The following ZNF528 variants were observed in gnomAD, a reference collection of about 807,000 sequenced individuals.
The protein encoded by ZNF528 is zinc finger protein 528.
In ZNF528, 9 loss-of-function variants were observed where a neutral mutation model predicts 13.3. The ratio of observed to expected loss-of-function variants is 0.67; its 90% CI spans 0.41 to 1.18. ZNF528 has a LOEUF of 1.18. Among genes scored for constraint, ZNF528 ranks in the 50% most tolerant of loss-of-function variants. ZNF528 has a pLI of 0.01. For synonymous variants in ZNF528, 264 were observed against 254.3 expected, an observed-to-expected ratio of 1.04 and a Z score of -0.36; for missense variants, 858 against 745.4, an observed-to-expected ratio of 1.15 and a Z score of -1.76.
intron 6 of ZNF528, chr19:52,413,343 A>G (rs1373915378): frequency 6.6e-6 from 1 of 152,252 alleles, no homozygotes; most frequent in African/African-American, 2.4e-5. Context: ...CGTGTCAGAT[A>G]CGCAGTAGCA....
intron 6 of ZNF528, chr19:52,414,209 C>T: frequency 1.4e-6 from 1 of 702,486 alleles, no homozygotes. Context: ...TTCAGTTCCT[C>T]TACTCCAGCA....
At chr19:52,398,712 T>C in intron 2 of ZNF528, 93 bp downstream of exon 2, 1 of 696,464 alleles carries the variant, frequency 1.4e-6, no homozygotes, top group Non-Finnish European at 1.8e-6. Context: ...CAAACCTGGG[T>C]CTGTAGAAAG....
intron 2 of ZNF528, among the ~76,000 whole-genome samples, chr19:52,400,582 C>T (rs1424617665): frequency 6.6e-6 from 1 of 152,130 alleles, no homozygotes; most frequent in African/African-American, 2.4e-5. Context: ...CATGCAGTGG[C>T]ACAGTCATAG....
intron 6 of ZNF528, chr19:52,414,806 A>T: frequency 1.7e-6 from 1 of 575,636 alleles, no homozygotes; most frequent in Non-Finnish European, 2.9e-6. Flanking sequence ...TAATGTCTAT[A>T]CAGCTCTTCT....
intron 2 of ZNF528, among the ~76,000 whole-genome samples, chr19:52,399,082 A>G (rs756792068): frequency 2.0e-5 from 3 of 152,106 alleles, no homozygotes; most frequent in Non-Finnish European, 4.4e-5. Flanking sequence ...GAGAGAAGGA[A>G]TAGAGGGAAG....
intron 4 of ZNF528, chr19:52,402,376 A>G (rs181270368): frequency 5.7e-6 from 2 of 348,370 alleles, no homozygotes; most frequent in Non-Finnish European, 1.0e-5. Context: ...GAATTAGAGA[A>G]GCTGCACGTC....
At position 52,415,240 on chromosome 19, in the gene ZNF528, T is replaced by C. The variant is rs1242499356; in HGVS notation, c.388T>C (p.Ser130Pro). Reference sequence around the variant, plus strand: ...GCTATTTCAAGCTGAAAGGAAAATTTCTGGGTGTAAGCATTTTGAAAAACC... The same window carrying C: ...GCTATTTCAAGCTGAAAGGAAAATTCCTGGGTGTAAGCATTTTGAAAAACC... ...LQLFQAERKISGCKHFEKPVS... is the reference protein window; with the variant it reads ...LQLFQAERKIPGCKHFEKPVS... The change falls in exon 7 of 7, where the codon TCT becomes CCT. Residue 130 changes from serine (S) to proline (P), a missense_variant. By Grantham distance (74) the Ser-to-Pro change is moderately conservative (BLOSUM62 -1). Coordinates refer to ENST00000360465, the MANE Select transcript of ZNF528 (RefSeq NM_032423.3). 6.2e-7 allele frequency: 1 copy of C among 1,614,126 alleles called. No individual in the cohort carries two copies. Among genetic ancestry groups the C allele is most frequent in the Middle Eastern group, 1.6e-4 (1 of 6,062 alleles).
chr19:52,398,957 G>A (rs111327293), intron 2 of ZNF528, among the ~76,000 whole-genome samples: 2,820 of 152,252 alleles, frequency 0.019, 41 homozygotes, highest in Non-Finnish European at 0.03. Context: ...CCCAAGGGGA[G>A]CTGAGATGTG....
intron 6 of ZNF528, chr19:52,413,621 C>T (rs1157364334): frequency 6.6e-6 from 1 of 152,402 alleles, no homozygotes; most frequent in African/African-American, 2.4e-5. Flanking sequence ...GTACTGGGGT[C>T]TCTATTTCTG....
Position 52,415,991 on chromosome 19 carries a change from C to T in ZNF528, c.1139C>T (p.Pro380Leu), listed in dbSNP as rs2058997656. The change falls in exon 7 of 7, where the codon CCT becomes CTT. Residue 380 changes from proline to leucine, a missense_variant. Physicochemically the swap from Pro to Leu is moderately conservative, Grantham distance 98 (BLOSUM62 -3). Coordinates refer to ENST00000360465, the MANE Select transcript of ZNF528 (RefSeq NM_032423.3). ...CAGTTAATTCACACTGGAAGGAAACCTTACAAATGTAAAGAATGTGACAAG... is the reference window on the plus strand; with the variant it reads ...CAGTTAATTCACACTGGAAGGAAACTTTACAAATGTAAAGAATGTGACAAG... ...THQLIHTGRK[P>L]YKCKECDKVF... The T allele has an allele frequency of 6.2e-7, 1 of 1,614,110 alleles. No homozygotes were observed. The highest frequency in any genetic ancestry group is 1.3e-5 in the African/African-American group (1 of 75,020).
rs2245620 is a variant in ZNF528, at chr19:52,406,205, T to G, written c.142+172T>G. Among the ~76,000 whole-genome samples, 100,929 of 152,002 alleles carry G rather than the reference T, an allele frequency of 0.66. 34,981 individuals carry two copies. Among genetic ancestry groups the G allele is most frequent in the Non-Finnish European group, 0.79 (53,505 of 67,968 alleles). On this transcript the variant is annotated intron_variant, in intron 5 of 6. Coordinates refer to ENST00000360465, the MANE Select transcript of ZNF528 (RefSeq NM_032423.3). ...GACTTGAAATGTCCCCTTTCTTCAG[T>G]TATTCTCCTCCCTCCACAATTCATG... is the stretch of plus-strand genomic sequence containing the variant.
chr19:52,403,305 G>T (rs1226884235), intron 4 of ZNF528, among the ~76,000 whole-genome samples: 7 of 152,102 alleles, frequency 4.6e-5, no homozygotes, highest in African/African-American at 1.7e-4. Context: ...CATCCAGTTT[G>T]GACAATGTAT....
Position 52,416,392 on chromosome 19 carries a change from AT to A in ZNF528, c.1542del (p.His515IlefsTer27). On this transcript the variant is annotated frameshift_variant, in exon 7 of 7. Coordinates refer to ENST00000360465, the MANE Select transcript of ZNF528 (RefSeq NM_032423.3). LOFTEE classifies it low-confidence loss of function (END_TRUNC). Reference sequence around the variant, plus strand: ...TTCAAACCTGGTATGCCATCAGAAAATTCATACAGGAGAAAAGCCTTACAAA... The same window carrying A: ...TTCAAACCTGGTATGCCATCAGAAAATCATACAGGAGAAAAGCCTTACAAA... ...RSSNLVCHQKIHTGEKPYKCN... is the reference protein window; with the variant it reads ...RSSNLVCHQKXHTGEKPYKCN... 6.2e-7 allele frequency: 1 copy of A among 1,614,002 alleles called. No individual in the cohort carries two copies. Among genetic ancestry groups the A allele is most frequent in the Non-Finnish European group, 8.5e-7 (1 of 1,179,890 alleles).
chr19:52,401,820 C>T (rs563188970), intron 3 of ZNF528, 67 bp downstream of exon 3: 5 of 1,522,214 alleles, frequency 3.3e-6, no homozygotes, highest in Non-Finnish European at 4.4e-6. Flanking sequence ...TAGGATAAAT[C>T]AGACCTATGT....
intron 4 of ZNF528, among the ~76,000 whole-genome samples, chr19:52,405,630 C>T (rs1455743409): frequency 1.3e-5 from 2 of 151,830 alleles, no homozygotes; most frequent in South Asian, 4.2e-4. Context: ...TGTAAAAATA[C>T]CTAACACTTC....
At position 52,409,935 on chromosome 19, in the gene ZNF528, G is replaced by A. The variant is rs1399014555; in HGVS notation, c.271+3292G>A. 4.6e-5 allele frequency among the ~76,000 whole-genome samples: 7 copies of A among 152,192 alleles called. No homozygotes were observed. The South Asian group carries it at 6.2e-4, about 14-fold the overall frequency. ...TCACCATGTTGGTCAGGCTGGTCTC[G>A]AACTCCTGACCTCAGGTGATCCGCT... On this transcript the variant is annotated intron_variant, in intron 6 of 6. Coordinates refer to ENST00000360465, the MANE Select transcript of ZNF528 (RefSeq NM_032423.3).
chr19:52,400,698 A>T (rs1435784649), intron 2 of ZNF528, among the ~76,000 whole-genome samples: 2 of 148,332 alleles, frequency 1.3e-5, no homozygotes, highest in African/African-American at 5.0e-5. Flanking sequence ...TGAAAAAAAA[A>T]TTTTTTTTTT....
chr19:52,413,095 C>T (rs2058951861), intron 6 of ZNF528: 1 of 152,184 alleles, frequency 6.6e-6, no homozygotes, highest in African/African-American at 2.4e-5. Flanking sequence ...AGGGCTCCTA[C>T]AACCCTTGCA....
intron 6 of ZNF528, among the ~76,000 whole-genome samples, chr19:52,408,847 A>G (rs1278265753): frequency 6.6e-6 from 1 of 152,180 alleles, no homozygotes; most frequent in Non-Finnish European, 1.5e-5. Flanking sequence ...GATTACAGGC[A>G]TGAGCCACTG....
Sources: gnomAD v4.1 joint callset for allele counts (sites outside exome capture counted in the v4.1 genomes callset) on GRCh38, gnomAD v4.1.1 for gene constraint, MANE v1.5 for transcripts, NCBI Gene and HGNC (gene_info 2026-07-23, HGNC 2026-07-21) for gene names.